The following SEMA5B variants were observed in gnomAD, a reference collection of about 807,000 sequenced individuals.
The protein encoded by SEMA5B is semaphorin-5B.
A neutral mutation model predicts 135.0 loss-of-function variants in SEMA5B; 66 were observed. The observed-to-expected ratio is 0.49, with a 90% CI of 0.40 to 0.60. The LOEUF is 0.60. Among genes scored for constraint, SEMA5B ranks in the 20% least tolerant of loss-of-function variants. SEMA5B has a pLI of 0.00. For missense variants in SEMA5B, 1,501 were observed against 1,566.3 expected, an observed-to-expected ratio of 0.96 and a Z score of 0.70; for synonymous variants, 690 against 639.5, an observed-to-expected ratio of 1.08 and a Z score of -1.19.
intron 6 of SEMA5B, 116 bp from the exon 7 acceptor site, chr3:122,928,731 C>T: frequency 1.2e-6 from 1 of 838,316 alleles, no homozygotes; most frequent in Non-Finnish European, 1.9e-6. Flanking sequence ...CTCCCCTTGA[C>T]CCCAGATCCA....
intron 2 of SEMA5B, among the ~76,000 whole-genome samples, chr3:122,953,278 T>C (rs145675105): frequency 1.3e-5 from 2 of 152,056 alleles, no homozygotes; most frequent in African/African-American, 4.8e-5. Context: ...CCGCCCCAGG[T>C]CTGACCACCA....
chr3:122,973,457 C>T (rs12330851), intron 1 of SEMA5B, among the ~76,000 whole-genome samples: 16,806 of 152,126 alleles, frequency 0.11, 2,000 homozygotes, highest in African/African-American at 0.29. Context: ...GCAGTCTGCT[C>T]CCTTTCCTCT....
At chr3:123,009,236 G>A (rs928907170) in intron 1 of SEMA5B, among the ~76,000 whole-genome samples, 4 of 152,162 alleles carry the variant, frequency 2.6e-5, no homozygotes, top group African/African-American at 9.7e-5. Flanking sequence ...TCTCAGTGCA[G>A]GGAGCGGGGG....
At chr3:122,980,199 G>A (rs913631183) in intron 1 of SEMA5B, among the ~76,000 whole-genome samples, 18 of 152,192 alleles carry the variant, frequency 1.2e-4, no homozygotes, top group Non-Finnish European at 1.9e-4. Flanking sequence ...GGTGGCTCAC[G>A]CCTGTAATCC....
chr3:122,914,436 C>T (rs2107615655), intron 14 of SEMA5B, among the ~76,000 whole-genome samples: 1 of 152,330 alleles, frequency 6.6e-6, no homozygotes, highest in African/African-American at 2.4e-5. Flanking sequence ...TCAGACACTG[C>T]TCACTCATGC....
chr3:122,977,867 G>A (rs542309274), intron 1 of SEMA5B, among the ~76,000 whole-genome samples: 2 of 152,342 alleles, frequency 1.3e-5, no homozygotes, highest in South Asian at 2.1e-4. Context: ...AGATGGTTGC[G>A]ATCCAAGGGC....
In SEMA5B at chr3:122,964,322, G is replaced by A. The variant is rs1353520705; in HGVS notation, c.-38-3021C>T. Among the ~76,000 whole-genome samples, 58 of 152,178 alleles carry A rather than the reference G, an allele frequency of 3.8e-4. 2 individuals carry two copies. Among genetic ancestry groups the A allele is most frequent in the Admixed American group, 3.5e-3 (54 of 15,286 alleles). The stretch of plus-strand genomic sequence containing the variant: ...AGGTGACATGTGACATATGAGCCAA[G>A]TATGTGGGGTGGGGGCAGAGGAGGA... On this transcript the variant is annotated intron_variant, in intron 1 of 22. Transcript: ENST00000357599.
At chr3:123,007,116 G>A (rs1304473153) in intron 1 of SEMA5B, among the ~76,000 whole-genome samples, 3 of 152,120 alleles carry the variant, frequency 2.0e-5, no homozygotes, top group African/African-American at 4.8e-5. Flanking sequence ...GCAAGCCAGC[G>A]TACCCTTGGG....
At chr3:123,014,318 C>T (rs987018909) in intron 1 of SEMA5B, among the ~76,000 whole-genome samples, 3 of 152,190 alleles carry the variant, frequency 2.0e-5, no homozygotes, top group African/African-American at 4.8e-5. Context: ...CACCAGTAGA[C>T]AGCGTGTGTT....
rs1196799390 is a variant in SEMA5B, at chr3:123,003,252, G to A, written c.-39+24212C>T. Reference sequence around the variant, plus strand: ...ACATAAAACCACCTTTGGAGAAACCGAAACACAGTAAAAAAGTGCCCCCAC... The same window carrying A: ...ACATAAAACCACCTTTGGAGAAACCAAAACACAGTAAAAAAGTGCCCCCAC... On this transcript the variant is annotated intron_variant, in intron 1 of 22. Transcript: ENST00000357599. Among the ~76,000 whole-genome samples the A allele has an allele frequency of 3.9e-5, 6 of 152,176 alleles. No individual in the cohort carries two copies. The East Asian group carries it at 7.7e-4, about 20-fold the overall frequency.
Position 123,027,630 on chromosome 3 carries a change from C to G in SEMA5B, c.-205G>C, listed in dbSNP as rs544137901. On this transcript the variant is annotated 5_prime_UTR_variant, in exon 1 of 23. Coordinates refer to ENST00000357599, the MANE Select transcript of SEMA5B (RefSeq NM_001031702.4). ...CTCCGGTGCAGTCCCCACCCGGGCC[C>G]GCGCCCGCTGCGCTCGGGCTCCCAG... is the stretch of plus-strand genomic sequence containing the variant. 6 of 152,284 alleles carry G rather than the reference C, an allele frequency of 3.9e-5. No homozygotes were observed. In the East Asian group the frequency reaches 1.2e-3, roughly 30 times the overall value. 9.4% of individuals were successfully genotyped at this position (152,284 alleles called of 1,614,324 possible).
At chr3:122,923,936 A>G (rs1321360814) in intron 9 of SEMA5B, among the ~76,000 whole-genome samples, 184 bp from the exon 10 acceptor site, 1 of 152,082 alleles carries the variant, frequency 6.6e-6, no homozygotes. Context: ...CCCCCTGGGA[A>G]CGACCCACTG....
At chr3:122,962,483 A>G (rs1940629441) in intron 1 of SEMA5B, among the ~76,000 whole-genome samples, 1 of 152,236 alleles carries the variant, frequency 6.6e-6, no homozygotes, top group Non-Finnish European at 1.5e-5. Flanking sequence ...CCCGTGAGAA[A>G]GAGGACGGCC....
intron 5 of SEMA5B, among the ~76,000 whole-genome samples, chr3:122,937,345 C>A (rs900351791): frequency 2.0e-5 from 3 of 152,232 alleles, no homozygotes; most frequent in Non-Finnish European, 4.4e-5. Context: ...CCAGGCCAGA[C>A]AACAGACAGG....
chr3:122,958,224 T>C (rs1038158245), intron 2 of SEMA5B: 26 of 152,198 alleles, frequency 1.7e-4, no homozygotes, highest in African/African-American at 6.0e-4. Context: ...TCCAGCTCAG[T>C]CCATGAGGAC....
At chr3:122,966,777 T>C (rs1435481861) in intron 1 of SEMA5B, among the ~76,000 whole-genome samples, 8 of 150,266 alleles carry the variant, frequency 5.3e-5, no homozygotes, top group East Asian at 2.0e-4. Context: ...CCAGGATGGT[T>C]TCGATCTCCT....
At chr3:122,949,785 C>T (rs1939963732) in intron 2 of SEMA5B, among the ~76,000 whole-genome samples, 2 of 152,160 alleles carry the variant, frequency 1.3e-5, no homozygotes, top group Admixed American at 1.3e-4. Context: ...ACTGGTTCAT[C>T]TGACCTTGTG....
chr3:122,936,929 T>C (rs1939318190), intron 5 of SEMA5B, among the ~76,000 whole-genome samples: 1 of 152,270 alleles, frequency 6.6e-6, no homozygotes, highest in Admixed American at 6.5e-5. Context: ...AGGGGTTAGG[T>C]ACTTGGAAGT....
chr3:122,911,108 C>G, intron 21 of SEMA5B, 63 bp from the exon 22 acceptor site: 2 of 1,394,316 alleles, frequency 1.4e-6, no homozygotes, highest in South Asian at 2.6e-5. Context: ...CTCCTGCCTG[C>G]CTCCCTGGGA....
Sources: gnomAD v4.1 joint callset for allele counts (sites outside exome capture counted in the v4.1 genomes callset) on GRCh38, gnomAD v4.1.1 for gene constraint, MANE v1.5 for transcripts, NCBI Gene and HGNC (gene_info 2026-07-23, HGNC 2026-07-21) for gene names.